The following CGGBP1 variants were observed in gnomAD, a reference collection of about 807,000 sequenced individuals.
CGGBP1 encodes the protein CGG triplet repeat-binding protein 1.
CGGBP1 carries 4 observed loss-of-function variants against 11.4 expected under a neutral mutation model. That is an observed-to-expected ratio of 0.35 (90% CI 0.17 to 0.80). The LOEUF (loss-of-function observed/expected upper bound fraction) is 0.80, where lower values mean the gene tolerates loss of function less well. Ranked by LOEUF, CGGBP1 falls within the 30% of genes least tolerant of loss-of-function variation. The pLI is 0.52. For missense variants in CGGBP1, 135 were observed against 202.1 expected, an observed-to-expected ratio of 0.67 and a Z score of 2.01; for synonymous variants, 76 against 74.1, an observed-to-expected ratio of 1.03 and a Z score of -0.13.
intron 2 of CGGBP1, among the ~76,000 whole-genome samples, chr3:88,098,533 G>A (rs1023373912): frequency 1.3e-5 from 2 of 152,090 alleles, no homozygotes; most frequent in Non-Finnish European, 2.9e-5. Flanking sequence ...AACAAAAAAT[G>A]AGAATTTTAG....
intron 1 of CGGBP1, among the ~76,000 whole-genome samples, chr3:88,148,784 C>G (rs1707354377): frequency 6.6e-6 from 1 of 152,106 alleles, no homozygotes; most frequent in Non-Finnish European, 1.5e-5. Flanking sequence ...GGATTACAGG[C>G]GTCCGCCACC....
At chr3:88,128,120 A>G (rs1304052652) in intron 2 of CGGBP1, among the ~76,000 whole-genome samples, 1 of 152,140 alleles carries the variant, frequency 6.6e-6, no homozygotes, top group Non-Finnish European at 1.5e-5. Context: ...CAGTTTTGCA[A>G]TCTATAAAGC....
chr3:88,142,010 A>G, intron 1 of CGGBP1: 1 of 119,820 alleles, frequency 8.3e-6, no homozygotes, highest in Non-Finnish European at 1.9e-5. Flanking sequence ...CCATTATTAA[A>G]AAGTGTGTGT....
intron 2 of CGGBP1, among the ~76,000 whole-genome samples, chr3:88,101,439 T>C (rs1704419797): frequency 1.3e-5 from 2 of 152,214 alleles, no homozygotes; most frequent in Admixed American, 1.3e-4. Flanking sequence ...TCTTGCGAAA[T>C]AGTCATGTAA....
intron 2 of CGGBP1, among the ~76,000 whole-genome samples, chr3:88,067,698 A>G (rs1347253203): frequency 2.0e-5 from 3 of 152,236 alleles, no homozygotes; most frequent in African/African-American, 7.2e-5. Context: ...TTGAATTAAC[A>G]TGGAGTCTTG....
At chr3:88,138,668 A>G (rs1706950773) in intron 2 of CGGBP1, 1 of 1,203,126 alleles carries the variant, frequency 8.3e-7, no homozygotes, top group Admixed American at 4.2e-5. Context: ...TTTTTTTGGA[A>G]AAAAAGTATT....
chr3:88,082,921 T>A (rs1708154147), intron 2 of CGGBP1, among the ~76,000 whole-genome samples: 1 of 152,156 alleles, frequency 6.6e-6, no homozygotes, highest in South Asian at 2.1e-4. Flanking sequence ...AGGGCTCTTT[T>A]CATGGCTTGC....
At chr3:88,092,534 A>G (rs1703805082) in intron 2 of CGGBP1, among the ~76,000 whole-genome samples, 1 of 152,176 alleles carries the variant, frequency 6.6e-6, no homozygotes, top group Non-Finnish European at 1.5e-5. Flanking sequence ...TAGATGAAGG[A>G]GCAGAAGAGC....
intron 1 of CGGBP1, among the ~76,000 whole-genome samples, chr3:88,148,932 C>T (rs1263066563): frequency 6.6e-6 from 1 of 152,186 alleles, no homozygotes; most frequent in Non-Finnish European, 1.5e-5. Flanking sequence ...TGAGCCACCG[C>T]GCCCGGCCAA....
At chr3:88,097,148 A>G (rs977006302) in intron 2 of CGGBP1, among the ~76,000 whole-genome samples, 1 of 152,150 alleles carries the variant, frequency 6.6e-6, no homozygotes, top group African/African-American at 2.4e-5. Context: ...TGACCGGAAT[A>G]TGTACAAGGG....
chr3:88,065,476 T>C (rs1187189853), intron 2 of CGGBP1, among the ~76,000 whole-genome samples: 1 of 152,198 alleles, frequency 6.6e-6, no homozygotes, highest in Non-Finnish European at 1.5e-5. Flanking sequence ...GAATATTTAT[T>C]CATACGAGAA....
At chr3:88,100,255 A>C (rs1704328568) in intron 2 of CGGBP1, among the ~76,000 whole-genome samples, 1 of 152,204 alleles carries the variant, frequency 6.6e-6, no homozygotes, top group Admixed American at 6.5e-5. Context: ...GAGAAATGCA[A>C]ATCAAAACCA....
intron 2 of CGGBP1, among the ~76,000 whole-genome samples, chr3:88,098,242 A>G (rs568803655): frequency 1.3e-5 from 2 of 152,338 alleles, no homozygotes; most frequent in African/African-American, 4.8e-5. Flanking sequence ...AGAAATGGAT[A>G]AATTCCTGCA....
intron 1 of CGGBP1, among the ~76,000 whole-genome samples, chr3:88,148,877 G>GTGATC (rs1707356884): frequency 6.6e-6 from 1 of 152,130 alleles, no homozygotes; most frequent in South Asian, 2.1e-4. Context: ...CTGGCCTCTT[G>GTGATC]TGATCTGCCC....
rs114186606 is a variant in CGGBP1, at chr3:88,145,299, T to G, written c.-337-4221A>C. Among the ~76,000 whole-genome samples the G allele has an allele frequency of 3.9e-3, 594 of 152,214 alleles. 5 individuals are homozygous for G. Among genetic ancestry groups the G allele is most frequent in the African/African-American group, 0.013 (557 of 41,552 alleles). On this transcript the variant is annotated intron_variant, in intron 1 of 3. Coordinates refer to the CGGBP1 transcript ENST00000462901. Reference sequence around the variant, plus strand: ...GGGGCTTTAAGTAGGAAAAAAACTTTTGATGTGATGAGACCACACTGCAAA... The same window carrying G: ...GGGGCTTTAAGTAGGAAAAAAACTTGTGATGTGATGAGACCACACTGCAAA...
intron 2 of CGGBP1, among the ~76,000 whole-genome samples, chr3:88,124,772 G>A (rs1705986205): frequency 6.8e-6 from 1 of 147,072 alleles, no homozygotes; most frequent in African/African-American, 2.5e-5. Context: ...ACAATACTCA[G>A]TTTTTTTTTT....
chr3:88,145,170 T>C (rs1707288044), intron 1 of CGGBP1, among the ~76,000 whole-genome samples: 1 of 152,152 alleles, frequency 6.6e-6, no homozygotes, highest in Non-Finnish European at 1.5e-5. Flanking sequence ...CAGTAAGCTG[T>C]AACCCAAAAT....
chr3:88,076,716 C>A (rs1707823915), intron 2 of CGGBP1, among the ~76,000 whole-genome samples: 1 of 152,196 alleles, frequency 6.6e-6, no homozygotes, highest in Non-Finnish European at 1.5e-5. Flanking sequence ...CTTGTCCATG[C>A]ACCAATTTTA....
chr3:88,141,913 G>T lies in CGGBP1; in HGVS notation c.-337-835C>A, dbSNP rs182086982. The T allele has an allele frequency of 1.1e-4, 37 of 330,052 alleles. No homozygotes were observed. In the East Asian group the frequency reaches 1.3e-3, roughly 12 times the overall value. 20.4% of individuals were successfully genotyped at this position (330,052 alleles called of 1,614,324 possible). ...CAGTTTATGATGATTAATAGCAGCA[G>T]CATGTTCAGTTTCGCTTATATGAGA... On this transcript the variant is annotated intron_variant, in intron 1 of 3. Coordinates refer to the CGGBP1 transcript ENST00000462901.
Sources: allele counts gnomAD v4.1 joint callset (sites outside exome capture counted in the v4.1 genomes callset), GRCh38; gene constraint gnomAD v4.1.1; transcripts MANE v1.5; gene names NCBI Gene and HGNC (gene_info 2026-07-23, HGNC 2026-07-21).